Variants in CADM2 observed in about 807,000 individuals in gnomAD.
The protein encoded by CADM2 is immunoglobulin superfamily member 4D.
Under a neutral mutation model 49.8 loss-of-function variants are expected in CADM2, and 12 were observed. That is an observed-to-expected ratio of 0.24 (90% confidence interval 0.15 to 0.39). CADM2 has a LOEUF of 0.39. Ranked by LOEUF, CADM2 falls within the 10% of genes least tolerant of loss-of-function variation. The pLI is 1.00. For missense variants in CADM2, 378 were observed against 492.3 expected (o/e 0.77, Z 2.20); for synonymous variants, 214 against 175.4 (o/e 1.22, Z -1.74).
rs1276696001 is a variant in CADM2 at position 85,267,237 on chromosome 3, T to C, written c.61+307569T>C. Among the ~76,000 whole-genome samples, 3 of 151,794 alleles carry C rather than the reference T, an allele frequency of 2.0e-5. No homozygotes were observed. In the Admixed American group the frequency reaches 2.0e-4, roughly 10 times the overall value. ...CCCATGAGAAATGTTGAGTAAAATG[T>C]GAGACCTTTTGCATGTAGGTAGCGT... On this transcript the variant is annotated intron_variant, in intron 1 of 9. Coordinates refer to ENST00000383699, the MANE Select transcript of CADM2 (RefSeq NM_001167675.2).
intron 2 of CADM2, among the ~76,000 whole-genome samples, chr3:85,776,813 A>G (rs1319067804): frequency 6.6e-6 from 1 of 152,138 alleles, no homozygotes; most frequent in Non-Finnish European, 1.5e-5. Flanking sequence ...TGGTGATTAT[A>G]TATATTTTTT....
At chr3:85,071,546 A>G (rs1349994969) in intron 1 of CADM2, among the ~76,000 whole-genome samples, 2 of 152,152 alleles carry the variant, frequency 1.3e-5, no homozygotes, top group African/African-American at 4.8e-5. Context: ...CAAAAAATAC[A>G]ACCTTGAGAA....
At chr3:84,965,829 C>T (rs1372260703) in intron 1 of CADM2, among the ~76,000 whole-genome samples, 1 of 152,092 alleles carries the variant, frequency 6.6e-6, no homozygotes, top group Non-Finnish European at 1.5e-5. Context: ...TGTTCAGTGT[C>T]TCTTCAGTTT....
Position 85,601,170 on chromosome 3 carries a change from AT to A in CADM2, c.62-125351del, listed in dbSNP as rs1342679406. Among the ~76,000 whole-genome samples, 22 of 116,066 alleles carry A rather than the reference AT, an allele frequency of 1.9e-4. 1 individual carries two copies. Among genetic ancestry groups the A allele is most frequent in the African/African-American group, 8.9e-4 (22 of 24,618 alleles). The allele number at this position is 116,066 out of a possible 152,430, so 76.1% of individuals were successfully genotyped here. A position where few individuals can be genotyped will look rare whatever the true frequency, so the allele number is the denominator to read the frequency against. ...TATATATATATATATATATATATAT[AT>A]ATACACACACACACACACATACATG... On this transcript the variant is annotated intron_variant, in intron 1 of 9. Coordinates refer to ENST00000383699, the MANE Select transcript of CADM2 (RefSeq NM_001167675.2).
At chr3:85,319,116 T>C (rs72903206) in intron 1 of CADM2, among the ~76,000 whole-genome samples, 2 of 152,136 alleles carry the variant, frequency 1.3e-5, no homozygotes, top group South Asian at 4.1e-4. Context: ...GAACATGATA[T>C]AAGGTCAGAT....
chr3:85,382,768 TAGAG>T (rs1338369036), intron 1 of CADM2, among the ~76,000 whole-genome samples: 2 of 152,126 alleles, frequency 1.3e-5, no homozygotes, highest in Non-Finnish European at 2.9e-5. Flanking sequence ...AATAATACAA[TAGAG>T]ACAGAAACAA....
chr3:85,067,069 ATTT>A (rs1490320416), intron 1 of CADM2, among the ~76,000 whole-genome samples: 1 of 152,186 alleles, frequency 6.6e-6, no homozygotes, highest in African/African-American at 2.4e-5. Context: ...GGCTTTAAAA[ATTT>A]TTGTTAAAAA....
At chr3:85,836,108 G>A (rs754333405) in intron 3 of CADM2, among the ~76,000 whole-genome samples, 1 of 151,450 alleles carries the variant, frequency 6.6e-6, no homozygotes, top group Non-Finnish European at 1.5e-5. Context: ...TTATTGACTT[G>A]TAACAAAGGG....
intron 1 of CADM2, among the ~76,000 whole-genome samples, chr3:85,599,711 A>G (rs1211433487): frequency 1.3e-5 from 2 of 151,948 alleles, no homozygotes; most frequent in Non-Finnish European, 2.9e-5. Context: ...TCAAATTTAT[A>G]AAAATTTCAA....
intron 3 of CADM2, among the ~76,000 whole-genome samples, chr3:85,861,899 T>G (rs919241247): frequency 6.6e-6 from 1 of 152,070 alleles, no homozygotes; most frequent in African/African-American, 2.4e-5. Context: ...AAAGAAAATT[T>G]AATATAATAT....
At chr3:85,509,304 A>G (rs1334712670) in intron 1 of CADM2, among the ~76,000 whole-genome samples, 4 of 152,146 alleles carry the variant, frequency 2.6e-5, no homozygotes, top group African/African-American at 7.2e-5. Context: ...GTTATGAACT[A>G]TTTTGACACA....
intron 6 of CADM2, among the ~76,000 whole-genome samples, chr3:85,919,517 C>G (rs566758698): frequency 1.3e-5 from 2 of 151,810 alleles, no homozygotes; most frequent in African/African-American, 4.8e-5. Context: ...AACAGAAAAA[C>G]GTTTGGGTCC....
chr3:85,198,958 T>G (rs2041415888), intron 1 of CADM2, among the ~76,000 whole-genome samples: 1 of 151,908 alleles, frequency 6.6e-6, no homozygotes, highest in Non-Finnish European at 1.5e-5. Flanking sequence ...CATATTTGAA[T>G]TAAATGTTGT....
chr3:85,738,026 G>T (rs1293015576), intron 2 of CADM2, among the ~76,000 whole-genome samples: 1 of 152,166 alleles, frequency 6.6e-6, no homozygotes, highest in Non-Finnish European at 1.5e-5. Flanking sequence ...AGACAAGGCA[G>T]GAATGCTATT....
chr3:85,265,655 A>C (rs1464430087), intron 1 of CADM2, among the ~76,000 whole-genome samples: 1 of 152,062 alleles, frequency 6.6e-6, no homozygotes, highest in Admixed American at 6.6e-5. Flanking sequence ...TTGGGGATTA[A>C]ATTCCCAACA....
chr3:85,560,567 A>C (rs1302257781), intron 1 of CADM2, among the ~76,000 whole-genome samples: 1 of 152,242 alleles, frequency 6.6e-6, no homozygotes, highest in African/African-American at 2.4e-5. Flanking sequence ...GGAAGGACTG[A>C]AAAGTCAACG....
intron 1 of CADM2, among the ~76,000 whole-genome samples, chr3:85,212,862 CTT>C (rs959196640): frequency 8.0e-6 from 1 of 125,568 alleles, no homozygotes; most frequent in African/African-American, 3.5e-5. Flanking sequence ...TTCTTTCTTT[CTT>C]TCTTTCTTTC....
chr3:85,311,016 C>A (rs1033235585), intron 1 of CADM2, among the ~76,000 whole-genome samples: 2 of 152,094 alleles, frequency 1.3e-5, no homozygotes, highest in African/African-American at 4.8e-5. Flanking sequence ...GAAAACACTG[C>A]CAGACATCAG....
intron 8 of CADM2, among the ~76,000 whole-genome samples, chr3:85,987,534 C>A (rs1208107915): frequency 6.7e-6 from 1 of 148,324 alleles, no homozygotes; most frequent in African/African-American, 2.5e-5. Flanking sequence ...AAAAAAGTTC[C>A]CCAGTATAAA....
Sources: gnomAD v4.1 joint callset for allele counts (sites outside exome capture counted in the v4.1 genomes callset) on GRCh38, gnomAD v4.1.1 for gene constraint, MANE v1.5 for transcripts, NCBI Gene and HGNC (gene_info 2026-07-23, HGNC 2026-07-21) for gene names.